Variants in CACNA2D4 observed in about 807,000 individuals in gnomAD.
CACNA2D4 encodes the protein voltage-dependent calcium channel subunit alpha-2/delta-4.
CACNA2D4 carries 157 observed loss-of-function variants against 163.8 expected under a neutral mutation model. The ratio of observed to expected loss-of-function variants is 0.96; its 90% CI spans 0.84 to 1.09. The LOEUF is 1.09. CACNA2D4 is among the 50% of genes least tolerant of loss of function. CACNA2D4 has a pLI of 0.00. For synonymous variants in CACNA2D4, 598 were observed against 586.9 expected, an observed-to-expected ratio of 1.02 and a Z score of -0.27; for missense variants, 1,410 against 1,479.9, an observed-to-expected ratio of 0.95 and a Z score of 0.78.
chr12:1,878,672 A>G lies in CACNA2D4; in HGVS notation c.1645-283T>C, dbSNP rs1865930903. 6.6e-6 allele frequency among the ~76,000 whole-genome samples: 1 copy of G among 152,234 alleles called. No individual in the cohort carries two copies. The highest frequency in any genetic ancestry group is 2.4e-5 in the African/African-American group (1 of 41,462). On this transcript the variant is annotated intron_variant, in intron 15 of 37. Coordinates refer to ENST00000382722, the MANE Select transcript of CACNA2D4 (RefSeq NM_172364.5). This position sits in a 1 kb window ranked among gnomAD's most constrained non-coding sequence, Gnocchi z 4.6. ...TGATGATGTAATCTCACTCACCCTT[A>G]CAGCAGGACTGTGTGGCACGGAGGA...
Position 1,844,353 on chromosome 12 carries a change from G to C in CACNA2D4, c.2470+49C>G, listed in dbSNP as rs1865094777. 6.2e-7 allele frequency: 1 copy of C among 1,601,408 alleles called. No homozygotes were observed. The highest frequency in any genetic ancestry group is 8.5e-7 in the Non-Finnish European group (1 of 1,172,286). ...AAGAGCACAGCAGGAGGAGAGATGAGACTGGCCTGAGACTGGCCCAGCCCC... is the reference window on the plus strand; with the variant it reads ...AAGAGCACAGCAGGAGGAGAGATGACACTGGCCTGAGACTGGCCCAGCCCC... On this transcript the variant is annotated intron_variant, in intron 25 of 37. Transcript: ENST00000382722. The surrounding 1 kb of genome is among the most constrained non-coding windows in gnomAD (Gnocchi z 4.2).
intron 6 of CACNA2D4, among the ~76,000 whole-genome samples, chr12:1,904,580 G>A (rs1381725193): frequency 6.6e-6 from 1 of 151,874 alleles, no homozygotes; most frequent in Non-Finnish European, 1.5e-5. Context: ...TATAAAGAAG[G>A]AATTTTGTGA....
At chr12:1,837,965 G>A (rs1371519126) in intron 26 of CACNA2D4, among the ~76,000 whole-genome samples, 1 of 152,206 alleles carries the variant, frequency 6.6e-6, no homozygotes, top group African/African-American at 2.4e-5. Context: ...TGCAGCCCTG[G>A]CCGGCAGGAA....
chr12:1,864,791 C>T (rs1033513218), intron 18 of CACNA2D4, among the ~76,000 whole-genome samples: 7 of 152,260 alleles, frequency 4.6e-5, no homozygotes, highest in African/African-American at 1.4e-4. Context: ...GGACACGCTC[C>T]GCTCCGGCTG....
At position 1,799,730 on chromosome 12, in the gene CACNA2D4, C is replaced by A; in HGVS notation, c.2975-35G>T. The A allele has an allele frequency of 6.4e-7, 1 of 1,565,456 alleles. No homozygotes were observed. Among genetic ancestry groups the A allele is most frequent in the Non-Finnish European group, 8.7e-7 (1 of 1,155,386 alleles). On this transcript the variant is annotated intron_variant, in intron 33 of 37. Coordinates refer to ENST00000382722, the MANE Select transcript of CACNA2D4 (RefSeq NM_172364.5). The surrounding 1 kb of genome is among the most constrained non-coding windows in gnomAD (Gnocchi z 4.7). Reference sequence around the variant, plus strand: ...ACATAAGCCCAGCACAGGGTGGACACGGCACAGGAAAACATGGTGGCACAT... The same window carrying A: ...ACATAAGCCCAGCACAGGGTGGACAAGGCACAGGAAAACATGGTGGCACAT...
intron 18 of CACNA2D4, among the ~76,000 whole-genome samples, chr12:1,866,774 CCA>C (rs1256219127): frequency 6.8e-6 from 1 of 147,928 alleles, no homozygotes; most frequent in African/African-American, 2.5e-5. Context: ...GTGCATGCCA[CCA>C]CACCTGGCTA....
chr12:1,918,166 G>T, intron 1 of CACNA2D4, 81 bp downstream of exon 1: 2 of 1,018,906 alleles, frequency 2.0e-6, no homozygotes, highest in Middle Eastern at 2.1e-4. Context: ...GGAGGAGTGG[G>T]CAGAGGATGG....
chr12:1,916,631 G>T (rs933526087), intron 1 of CACNA2D4, among the ~76,000 whole-genome samples: 1 of 152,208 alleles, frequency 6.6e-6, no homozygotes, highest in African/African-American at 2.4e-5. Context: ...AGGCCCAGCG[G>T]AGCGCAGTGC....
rs371973632 is a variant in CACNA2D4, at chr12:1,885,954, T to C, written c.1068+11A>G. On this transcript the variant is annotated intron_variant, in intron 9 of 37. Coordinates refer to ENST00000382722, the MANE Select transcript of CACNA2D4 (RefSeq NM_172364.5). ...GGGGCTTGGAAGTCTCAGGCCACCG[T>C]GGACACTCACCTCTCGATTGTCTCG... The C allele has an allele frequency of 1.7e-5, 27 of 1,604,986 alleles. No homozygotes were observed. Among genetic ancestry groups the C allele is most frequent in the Non-Finnish European group, 2.3e-5 (27 of 1,173,022 alleles).
chr12:1,836,248 G>C, intron 26 of CACNA2D4: 1 of 152,614 alleles, frequency 6.6e-6, no homozygotes, highest in East Asian at 1.9e-4. Flanking sequence ...CCCCTCCTCA[G>C]AGTGTGAAGA....
chr12:1,896,645 ACACAC>A (rs746113631), intron 6 of CACNA2D4, among the ~76,000 whole-genome samples: 1 of 148,814 alleles, frequency 6.7e-6, no homozygotes. Context: ...ACACACACAC[ACACAC>A]ACACAAAACA....
intron 23 of CACNA2D4, among the ~76,000 whole-genome samples, chr12:1,851,488 T>C (rs1865277543): frequency 6.6e-6 from 1 of 152,244 alleles, no homozygotes; most frequent in Non-Finnish European, 1.5e-5. Context: ...AGACTAAATT[T>C]TCACATGCAT....
intron 19 of CACNA2D4, 39 bp downstream of exon 19, chr12:1,860,106 C>CA (rs770369392): frequency 6.4e-7 from 1 of 1,552,838 alleles, no homozygotes; most frequent in Non-Finnish European, 8.9e-7. Context: ...TATTCATGTT[C>CA]AACCCTCACC....
At chr12:1,840,877 C>CGT (rs2154447674) in intron 25 of CACNA2D4, 58 bp from the exon 26 acceptor site, 1 of 1,441,408 alleles carries the variant, frequency 6.9e-7, no homozygotes, top group Non-Finnish European at 9.8e-7. Flanking sequence ...GCAGGTGGAG[C>CGT]GCTACCACTT....
In CACNA2D4 at chr12:1,884,828, G is replaced by A. The variant is rs774495552; in HGVS notation, c.1212C>T (p.Ser404=). Residue 404 remains serine (S), a synonymous_variant, in exon 11 of 38, where the codon AGC becomes AGT. Transcript: ENST00000382722. ...GCTCGTAGTCCTCCACGGCGCCGTC[G>A]CTGATGAGCATGATGGCCTGGTTGC... is the stretch of plus-strand genomic sequence containing the variant. ...SLCNQAIMLI[S]DGAVEDYEPV... The A allele has an allele frequency of 1.4e-5, 22 of 1,613,678 alleles. No individual in the cohort carries two copies. Among genetic ancestry groups the A allele is most frequent in the East Asian group, 4.5e-5 (2 of 44,878 alleles).
intron 1 of CACNA2D4, among the ~76,000 whole-genome samples, chr12:1,916,564 G>A (rs961373619): frequency 2.4e-5 from 1 of 42,498 alleles, no homozygotes; most frequent in Non-Finnish European, 4.1e-5. Flanking sequence ...CCCCACCTCC[G>A]GGGCAGGCAG....
At position 1,808,519 on chromosome 12, in the gene CACNA2D4, T is replaced by G. The variant is rs369071947; in HGVS notation, c.2721+1759A>C. ...GCTACAACAGCAGGGCTGAGTCTCATGAAGCTCAAAACCAACATGTGCATC... is the reference window on the plus strand; with the variant it reads ...GCTACAACAGCAGGGCTGAGTCTCAGGAAGCTCAAAACCAACATGTGCATC... On this transcript the variant is annotated intron_variant, in intron 29 of 37. Coordinates refer to ENST00000382722, the MANE Select transcript of CACNA2D4 (RefSeq NM_172364.5). Among the ~76,000 whole-genome samples, 5 of 152,364 alleles carry G rather than the reference T, an allele frequency of 3.3e-5. No homozygotes were observed. In the East Asian group the frequency reaches 9.6e-4, roughly 29 times the overall value.
chr12:1,843,203 A>C lies in CACNA2D4; in HGVS notation c.2470+1199T>G, dbSNP rs1181505199. ...GTAGGGGCATAGCACCAGGTGAGGA[A>C]GGCGGGATTCCGGAGGGGGCGGGGT... On this transcript the variant is annotated intron_variant, in intron 25 of 37. Coordinates refer to ENST00000382722, the MANE Select transcript of CACNA2D4 (RefSeq NM_172364.5). This position sits in a 1 kb window ranked among gnomAD's most constrained non-coding sequence, Gnocchi z 4.6. Among the ~76,000 whole-genome samples the C allele has an allele frequency of 2.0e-5, 3 of 152,168 alleles. No homozygotes were observed. The highest frequency in any genetic ancestry group is 7.2e-5 in the African/African-American group (3 of 41,450).
At chr12:1,800,127 C>T in intron 32 of CACNA2D4, 75 bp from the exon 33 acceptor site, 6 of 1,424,244 alleles carry the variant, frequency 4.2e-6, no homozygotes, top group Non-Finnish European at 3.9e-6. Context: ...TGGAGTATCC[C>T]TGACAGCCCC....
Sources: allele counts gnomAD v4.1 joint callset (sites outside exome capture counted in the v4.1 genomes callset), GRCh38; gene constraint gnomAD v4.1.1; non-coding constraint Gnocchi (gnomAD v3.1); transcripts MANE v1.5; gene names NCBI Gene and HGNC (gene_info 2026-07-23, HGNC 2026-07-21).